Variants in CADM2 observed in about 807,000 individuals in gnomAD.
CADM2 encodes immunoglobulin superfamily member 4D.
A neutral mutation model predicts 49.8 loss-of-function variants in CADM2; 12 were observed. The observed-to-expected ratio is 0.24, with a 90% CI of 0.15 to 0.39. The LOEUF is 0.39. Ranked by LOEUF, CADM2 falls within the 10% of genes least tolerant of loss-of-function variation. The probability of loss-of-function intolerance (pLI) is 1.00; values close to 1 mark genes in which losing one functional copy is unlikely to be tolerated. For missense variants in CADM2, 378 were observed against 492.3 expected (o/e 0.77, Z 2.20); for synonymous variants, 214 against 175.4 (o/e 1.22, Z -1.74).
At chr3:85,803,500 A>ATAAATAG (rs2072191944) in intron 3 of CADM2, among the ~76,000 whole-genome samples, 8 of 149,422 alleles carry the variant, frequency 5.4e-5, no homozygotes, top group African/African-American at 1.7e-4. Context: ...TAGATAGATA[A>ATAAATAG]ATAGATAGAT....
In CADM2 at chr3:85,137,133, AG is replaced by A. The variant is rs545774303; in HGVS notation, c.61+177466del. 2.4e-4 allele frequency among the ~76,000 whole-genome samples: 37 copies of A among 152,018 alleles called. No individual in the cohort carries two copies. In the South Asian group the frequency reaches 7.5e-3, roughly 31 times the overall value. On this transcript the variant is annotated intron_variant, in intron 1 of 9. Coordinates refer to ENST00000383699, the MANE Select transcript of CADM2 (RefSeq NM_001167675.2). Reference sequence around the variant, plus strand: ...TTTTGATTCTATTTTCCTGAGGGTAAGCCACATCATTAAGACATCAATTAAA... The same window carrying A: ...TTTTGATTCTATTTTCCTGAGGGTAACCACATCATTAAGACATCAATTAAA...
intron 1 of CADM2, among the ~76,000 whole-genome samples, chr3:85,289,734 G>C (rs537961308): frequency 2.8e-4 from 43 of 152,246 alleles, no homozygotes; most frequent in African/African-American, 9.4e-4. Context: ...CCCTTTCAGA[G>C]GAAGAAGTGT....
intron 7 of CADM2, among the ~76,000 whole-genome samples, chr3:85,960,247 A>G (rs757186057): frequency 6.6e-6 from 1 of 151,952 alleles, no homozygotes; most frequent in East Asian, 1.9e-4. Flanking sequence ...AATGGTATAT[A>G]TCCTTCCTCT....
intron 1 of CADM2, among the ~76,000 whole-genome samples, chr3:85,344,243 T>C (rs2030296292): frequency 6.6e-6 from 1 of 150,842 alleles, no homozygotes; most frequent in Middle Eastern, 3.2e-3. Flanking sequence ...TAGCTGGGCG[T>C]GGTGGCAGGC....
intron 1 of CADM2, among the ~76,000 whole-genome samples, chr3:85,725,706 C>T (rs1448926980): frequency 2.0e-5 from 3 of 151,936 alleles, no homozygotes; most frequent in Non-Finnish European, 2.9e-5. Flanking sequence ...TAAGCTTATA[C>T]TTCAGCTTAT....
chr3:85,453,132 A>G (rs1425343464), intron 1 of CADM2, among the ~76,000 whole-genome samples: 3 of 152,192 alleles, frequency 2.0e-5, no homozygotes, highest in Non-Finnish European at 2.9e-5. Context: ...ATTAGCATAT[A>G]TAAGTAGGTA....
intron 1 of CADM2, among the ~76,000 whole-genome samples, chr3:85,577,540 C>T (rs2062669411): frequency 6.6e-6 from 1 of 152,236 alleles, no homozygotes; most frequent in African/African-American, 2.4e-5. Flanking sequence ...AAGTTTATTT[C>T]ATTCAAAAAT....
chr3:85,876,927 A>T (rs1448802748), intron 3 of CADM2, among the ~76,000 whole-genome samples: 2 of 152,150 alleles, frequency 1.3e-5, no homozygotes, highest in Non-Finnish European at 2.9e-5. Flanking sequence ...TTTTTATTTT[A>T]TTCAGCATGA....
intron 5 of CADM2, among the ~76,000 whole-genome samples, chr3:85,892,838 G>T (rs547800210): frequency 1.3e-5 from 2 of 152,308 alleles, no homozygotes; most frequent in Admixed American, 1.3e-4. Flanking sequence ...GGTATCAGAA[G>T]AAGACAGGAA....
chr3:85,231,806 A>G (rs983157786), intron 1 of CADM2, among the ~76,000 whole-genome samples: 12 of 148,678 alleles, frequency 8.1e-5, no homozygotes, highest in African/African-American at 3.0e-4. Flanking sequence ...TCTGCCCCCC[A>G]AGTTCAAGTG....
chr3:85,077,895 G>T (rs1336037009), intron 1 of CADM2, among the ~76,000 whole-genome samples: 6 of 152,036 alleles, frequency 3.9e-5, no homozygotes, highest in Non-Finnish European at 7.4e-5. Flanking sequence ...GATATTACAT[G>T]ACTTGTTTCT....
chr3:85,107,635 C>CTT (rs1385302624), intron 1 of CADM2, among the ~76,000 whole-genome samples: 1 of 137,068 alleles, frequency 7.3e-6, no homozygotes, highest in Non-Finnish European at 1.6e-5. Flanking sequence ...CTTTCTTTTT[C>CTT]TTTCTTTCTT....
intron 8 of CADM2, among the ~76,000 whole-genome samples, chr3:86,042,937 A>T (rs1162427113): frequency 6.6e-6 from 1 of 152,204 alleles, no homozygotes; most frequent in South Asian, 2.1e-4. Context: ...ATGCAAATCA[A>T]TAAATCTAAT....
intron 1 of CADM2, among the ~76,000 whole-genome samples, chr3:85,242,236 T>G (rs1445293679): frequency 1.3e-5 from 2 of 151,546 alleles, no homozygotes; most frequent in East Asian, 3.8e-4. Context: ...TCACTTATTT[T>G]ATATTTTAAT....
chr3:85,983,800 T>G (rs1727756305), intron 8 of CADM2, among the ~76,000 whole-genome samples: 1 of 151,062 alleles, frequency 6.6e-6, no homozygotes, highest in South Asian at 2.1e-4. Context: ...TCTACCTATC[T>G]ATCTATCTAT....
intron 8 of CADM2, chr3:86,013,147 A>T: frequency 7.4e-7 from 1 of 1,349,594 alleles, no homozygotes; most frequent in Non-Finnish European, 1.1e-6. Context: ...AGACACAGAA[A>T]ACGAATAAAA....
chr3:85,209,710 C>T (rs767278740), intron 1 of CADM2, among the ~76,000 whole-genome samples: 2 of 151,672 alleles, frequency 1.3e-5, no homozygotes, highest in African/African-American at 2.4e-5. Flanking sequence ...CACCTTGAAA[C>T]ATGTTGCTGC....
At chr3:85,726,898 T>A (rs1308079445) in intron 2 of CADM2, among the ~76,000 whole-genome samples, 1 of 152,084 alleles carries the variant, frequency 6.6e-6, no homozygotes, top group African/African-American at 2.4e-5. Flanking sequence ...ATAAAACTGA[T>A]GGAAAGTCTC....
At chr3:84,974,830 AT>A (rs1231608764) in intron 1 of CADM2, among the ~76,000 whole-genome samples, 1 of 151,892 alleles carries the variant, frequency 6.6e-6, no homozygotes, top group Admixed American at 6.6e-5. Flanking sequence ...ATATCTTCAA[AT>A]TTTTTATTAT....
Sources: allele counts gnomAD v4.1 joint callset (sites outside exome capture counted in the v4.1 genomes callset), GRCh38; gene constraint gnomAD v4.1.1; transcripts MANE v1.5; gene names NCBI Gene and HGNC (gene_info 2026-07-23, HGNC 2026-07-21).